The following TBC1D5 variants were observed in gnomAD, a reference collection of about 807,000 sequenced individuals.
TBC1D5 encodes the protein TBC1 domain family member 5, also known as TBC1 domain family, member 5.
A neutral mutation model predicts 100.3 loss-of-function variants in TBC1D5; 75 were observed. The ratio of observed to expected loss-of-function variants is 0.75; its 90% CI spans 0.62 to 0.91. The LOEUF is 0.91. Among genes scored for constraint, TBC1D5 ranks in the 40% least tolerant of loss-of-function variants. The pLI, the probability that TBC1D5 is intolerant of heterozygous loss-of-function variation, is 0.00. For missense variants in TBC1D5, 910 were observed against 942.4 expected (o/e 0.97, Z 0.45); for synonymous variants, 323 against 325.6 (o/e 0.99, Z 0.09).
chr3:17,256,080 T>A (rs2077642208), intron 16 of TBC1D5, among the ~76,000 whole-genome samples: 2 of 152,140 alleles, frequency 1.3e-5, no homozygotes, highest in Admixed American at 6.5e-5. Context: ...GATTAAAAAG[T>A]CTTCAAGTAA....
chr3:17,540,855 C>T (rs1463769721), intron 2 of TBC1D5, among the ~76,000 whole-genome samples: 1 of 134,362 alleles, frequency 7.4e-6, no homozygotes, highest in African/African-American at 3.0e-5. Context: ...TGCAGTGAGC[C>T]GAGATCATGC....
At chr3:17,695,360 T>A (rs1009900879) in intron 1 of TBC1D5, among the ~76,000 whole-genome samples, 3 of 152,108 alleles carry the variant, frequency 2.0e-5, no homozygotes, top group African/African-American at 7.2e-5. Flanking sequence ...CCATCTCACG[T>A]GCAATGACGC....
chr3:17,193,530 G>A (rs1256327954), intron 18 of TBC1D5, among the ~76,000 whole-genome samples: 1 of 152,166 alleles, frequency 6.6e-6, no homozygotes, highest in Non-Finnish European at 1.5e-5. Context: ...TTTAAAAATA[G>A]TGCATGTAAG....
At chr3:17,637,025 TA>T (rs1205219632) in intron 1 of TBC1D5, among the ~76,000 whole-genome samples, 13 of 149,196 alleles carry the variant, frequency 8.7e-5, no homozygotes, top group South Asian at 2.1e-4. Flanking sequence ...AATCATTTAT[TA>T]TTTTTTTTTT....
intron 3 of TBC1D5, among the ~76,000 whole-genome samples, chr3:17,455,843 C>T (rs1246773911): frequency 1.3e-5 from 2 of 151,764 alleles, no homozygotes; most frequent in Non-Finnish European, 2.9e-5. Flanking sequence ...GTCTCAAAAA[C>T]AAAATAAAAC....
intron 2 of TBC1D5, among the ~76,000 whole-genome samples, chr3:17,582,223 T>C (rs532207730): frequency 4.3e-4 from 65 of 152,342 alleles, no homozygotes; most frequent in Non-Finnish European, 7.5e-4. Flanking sequence ...TGATAGCTCC[T>C]AAAACAGTTC....
chr3:17,637,541 A>G (rs1313365488), intron 1 of TBC1D5, among the ~76,000 whole-genome samples: 1 of 152,062 alleles, frequency 6.6e-6, no homozygotes, highest in Non-Finnish European at 1.5e-5. Context: ...CCCGAAGTAG[A>G]TATTCTTAAT....
At chr3:17,718,730 C>T (rs2075446144) in intron 1 of TBC1D5, among the ~76,000 whole-genome samples, 1 of 152,116 alleles carries the variant, frequency 6.6e-6, no homozygotes. Context: ...AACAGAAACT[C>T]TGCACCAATT....
chr3:17,171,233 A>G (rs2125222735), intron 19 of TBC1D5, among the ~76,000 whole-genome samples: 2 of 152,134 alleles, frequency 1.3e-5, no homozygotes, highest in South Asian at 4.1e-4. Flanking sequence ...CACGCCATGG[A>G]GCCACTGTCC....
chr3:17,216,672 T>C (rs2073673414), intron 17 of TBC1D5, among the ~76,000 whole-genome samples: 1 of 152,046 alleles, frequency 6.6e-6, no homozygotes. Context: ...CCCTCCATGT[T>C]TCCCACCCAC....
At chr3:17,451,700 C>G (rs891994809) in intron 3 of TBC1D5, among the ~76,000 whole-genome samples, 2 of 152,080 alleles carry the variant, frequency 1.3e-5, no homozygotes, top group African/African-American at 4.8e-5. Context: ...TGCAGCAAAC[C>G]ACCATGGCAC....
intron 3 of TBC1D5, among the ~76,000 whole-genome samples, chr3:17,442,615 G>A (rs1444878780): frequency 6.6e-6 from 1 of 152,160 alleles, no homozygotes; most frequent in Non-Finnish European, 1.5e-5. Flanking sequence ...CTCCTCACCT[G>A]TACATGCTCA....
intron 1 of TBC1D5, among the ~76,000 whole-genome samples, chr3:17,695,156 A>C (rs2071814350): frequency 6.6e-6 from 1 of 152,240 alleles, no homozygotes; most frequent in South Asian, 2.1e-4. Context: ...CAAATTGTAA[A>C]GACCATCAAT....
At chr3:17,243,571 A>T (rs2076483655) in intron 16 of TBC1D5, among the ~76,000 whole-genome samples, 1 of 152,200 alleles carries the variant, frequency 6.6e-6, no homozygotes, top group Non-Finnish European at 1.5e-5. Context: ...AATTTAAAAT[A>T]ATCTCAACAG....
At chr3:17,612,829 T>C (rs566793754) in intron 2 of TBC1D5, among the ~76,000 whole-genome samples, 3 of 150,024 alleles carry the variant, frequency 2.0e-5, no homozygotes, top group Non-Finnish European at 4.4e-5. Context: ...AAAAAAACAG[T>C]TACACTTCTA....
chr3:17,463,215 T>C (rs947763118), intron 3 of TBC1D5, among the ~76,000 whole-genome samples: 1 of 152,226 alleles, frequency 6.6e-6, no homozygotes, highest in Non-Finnish European at 1.5e-5. Flanking sequence ...TTCTGGGTTA[T>C]ATCACTTCTT....
chr3:17,538,040 A>G (rs761558585), intron 2 of TBC1D5, among the ~76,000 whole-genome samples: 14 of 152,178 alleles, frequency 9.2e-5, no homozygotes, highest in Non-Finnish European at 1.9e-4. Context: ...GAAGGGCAGA[A>G]CAACTCAAAA....
intron 3 of TBC1D5, among the ~76,000 whole-genome samples, chr3:17,491,200 A>C (rs553414217): frequency 6.6e-6 from 1 of 152,320 alleles, no homozygotes; most frequent in African/African-American, 2.4e-5. Context: ...CAGCTTAAAA[A>C]GCTTTTGGGC....
chr3:17,674,877 G>T (rs892892676), intron 1 of TBC1D5, among the ~76,000 whole-genome samples: 3 of 151,888 alleles, frequency 2.0e-5, no homozygotes, highest in Non-Finnish European at 4.4e-5. Context: ...AAAAAATATA[G>T]CATATATTTA....
Sources: gnomAD v4.1 joint callset for allele counts (sites outside exome capture counted in the v4.1 genomes callset) on GRCh38, gnomAD v4.1.1 for gene constraint, MANE v1.5 for transcripts, NCBI Gene and HGNC (gene_info 2026-07-23, HGNC 2026-07-21) for gene names.